The following FER1L6 variants were observed in gnomAD, a reference collection of about 807,000 sequenced individuals.
The protein encoded by FER1L6 is fer-1-like protein 6.
FER1L6 carries 177 observed loss-of-function variants against 219.2 expected under a neutral mutation model. The ratio of observed to expected loss-of-function variants is 0.81; its 90% confidence interval spans 0.71 to 0.91. The LOEUF is 0.91. Among genes scored for constraint, FER1L6 ranks in the 40% least tolerant of loss-of-function variants. The pLI, the probability that FER1L6 is intolerant of heterozygous loss-of-function variation, is 0.00. For synonymous variants in FER1L6, 768 were observed against 824.3 expected (o/e 0.93, Z 1.17); for missense variants, 2,153 against 2,259.9 (o/e 0.95, Z 0.96).
chr8:123,893,094 A>G (rs1185123373), intron 1 of FER1L6, among the ~76,000 whole-genome samples: 1 of 152,140 alleles, frequency 6.6e-6, no homozygotes, highest in African/African-American at 2.4e-5. Flanking sequence ...TTCCTTGTCA[A>G]CTGGGTCATT....
intron 3 of FER1L6, 145 bp from the exon 4 acceptor site, chr8:123,965,862 C>T (rs948191405): frequency 2.7e-5 from 20 of 728,928 alleles, no homozygotes; most frequent in African/African-American, 8.9e-5. Context: ...GTCATTTGTC[C>T]GCTTATACTT....
intron 1 of FER1L6, among the ~76,000 whole-genome samples, chr8:123,954,042 T>C (rs562398143): frequency 6.6e-6 from 1 of 152,350 alleles, no homozygotes; most frequent in East Asian, 1.9e-4. Context: ...TAGCACTTTC[T>C]ATATCCCAGA....
intron 11 of FER1L6, among the ~76,000 whole-genome samples, chr8:123,981,470 C>T (rs1005534772): frequency 1.1e-4 from 16 of 152,224 alleles, no homozygotes; most frequent in Admixed American, 6.5e-4. Flanking sequence ...TTGTCAGTAG[C>T]GGAGGTAGGT....
intron 1 of FER1L6, among the ~76,000 whole-genome samples, chr8:123,861,789 TG>T (rs1816749977): frequency 1.4e-5 from 2 of 143,508 alleles, no homozygotes; most frequent in African/African-American, 2.7e-5. Context: ...TGTCTGTTGT[TG>T]GTGTATAGGA....
At chr8:123,945,883 C>G (rs936981334) in intron 1 of FER1L6, among the ~76,000 whole-genome samples, 4 of 152,164 alleles carry the variant, frequency 2.6e-5, no homozygotes, top group African/African-American at 9.7e-5. Context: ...TATGAACTTC[C>G]TTTCATATGT....
In FER1L6 at chr8:124,097,298, T is replaced by A. The variant is rs1487020170; in HGVS notation, c.4723T>A (p.Phe1575Ile). 1 of 1,613,426 alleles carries A rather than the reference T, an allele frequency of 6.2e-7. No homozygotes were observed. Among genetic ancestry groups the A allele is most frequent in the East Asian group, 2.2e-5 (1 of 44,826 alleles). ...CCGCCTGCAGATGTGGGTGGACATG[T>A]TTCCCAAGGATATGCCTCAACCTGG... ...QGRLQMWVDMFPKDMPQPGPP... is the reference protein window; with the variant it reads ...QGRLQMWVDMIPKDMPQPGPP... Residue 1575 changes from phenylalanine to isoleucine, a missense_variant, in exon 36 of 41, where the codon TTT (phenylalanine) becomes ATT (isoleucine). Phe to Ile is a conservative substitution (Grantham distance 21, BLOSUM62 0). Transcript: ENST00000522917.
At chr8:123,855,734 T>C in intron 1 of FER1L6, among the ~76,000 whole-genome samples, 1 of 147,258 alleles carries the variant, frequency 6.8e-6, no homozygotes, top group South Asian at 2.1e-4. Flanking sequence ...CACATATACG[T>C]AATATGTGTG....
chr8:124,059,372 T>C (rs144181760), intron 22 of FER1L6, among the ~76,000 whole-genome samples: 5 of 152,322 alleles, frequency 3.3e-5, no homozygotes, highest in African/African-American at 9.6e-5. Flanking sequence ...ATAAAGGACA[T>C]GTTGCATTCA....
chr8:123,903,798 G>A (rs907534543), intron 1 of FER1L6, among the ~76,000 whole-genome samples: 6 of 152,148 alleles, frequency 3.9e-5, no homozygotes, highest in African/African-American at 9.7e-5. Context: ...GCCCTAACCC[G>A]AGTACCCTGG....
intron 1 of FER1L6, among the ~76,000 whole-genome samples, chr8:123,934,876 A>G (rs923471827): frequency 6.6e-6 from 1 of 151,818 alleles, no homozygotes; most frequent in Admixed American, 6.6e-5. Context: ...GTGGCACTTA[A>G]CCCCTTGCAC....
intron 32 of FER1L6, among the ~76,000 whole-genome samples, chr8:124,077,407 T>C (rs1370829341): frequency 6.6e-6 from 1 of 152,202 alleles, no homozygotes; most frequent in African/African-American, 2.4e-5. Context: ...CCATTTAAAT[T>C]CATTTACACA....
At chr8:123,905,947 T>G (rs1240608016) in intron 1 of FER1L6, among the ~76,000 whole-genome samples, 1 of 152,248 alleles carries the variant, frequency 6.6e-6, no homozygotes, top group African/African-American at 2.4e-5. Flanking sequence ...TGAAGGGATA[T>G]TGCATTGAAG....
At chr8:124,040,094 T>A (rs1296197410) in intron 20 of FER1L6, 88 bp downstream of exon 20, 4 of 1,540,452 alleles carry the variant, frequency 2.6e-6, no homozygotes, top group Non-Finnish European at 3.6e-6. Flanking sequence ...AACGGGGGCA[T>A]GTTGCAAATA....
intron 1 of FER1L6, among the ~76,000 whole-genome samples, chr8:123,892,178 A>G (rs1812658496): frequency 6.6e-6 from 1 of 152,224 alleles, no homozygotes; most frequent in Non-Finnish European, 1.5e-5. Context: ...ATAATACACC[A>G]TACAAAGGTA....
chr8:123,901,423 CA>C (rs1812853253), intron 1 of FER1L6, among the ~76,000 whole-genome samples: 1 of 152,058 alleles, frequency 6.6e-6, no homozygotes, highest in South Asian at 2.1e-4. Flanking sequence ...AACGGTCTGT[CA>C]ATTTTATTTA....
chr8:123,927,627 T>G (rs879346816), intron 1 of FER1L6, among the ~76,000 whole-genome samples: 1 of 152,238 alleles, frequency 6.6e-6, no homozygotes, highest in Non-Finnish European at 1.5e-5. Flanking sequence ...AGTAGAAATC[T>G]TACTTTAATG....
At chr8:124,066,687 C>A in intron 27 of FER1L6, 137 bp downstream of exon 27, 2 of 993,638 alleles carry the variant, frequency 2.0e-6, no homozygotes, top group Non-Finnish European at 2.9e-6. Flanking sequence ...CTGTTAACTG[C>A]AGAAAGGTAA....
At chr8:123,884,027 C>T (rs547181593) in intron 1 of FER1L6, among the ~76,000 whole-genome samples, 1 of 152,338 alleles carries the variant, frequency 6.6e-6, no homozygotes, top group Non-Finnish European at 1.5e-5. Context: ...GCTCCTATGA[C>T]ATACATACAC....
At chr8:123,998,657 C>A (rs1215612230) in intron 12 of FER1L6, among the ~76,000 whole-genome samples, 2 of 152,106 alleles carry the variant, frequency 1.3e-5, no homozygotes, top group Non-Finnish European at 2.9e-5. Context: ...AATGAGTTCA[C>A]CCCTGGCCCC....
Sources: allele counts gnomAD v4.1 joint callset (sites outside exome capture counted in the v4.1 genomes callset), GRCh38; gene constraint gnomAD v4.1.1; transcripts MANE v1.5; gene names NCBI Gene and HGNC (gene_info 2026-07-23, HGNC 2026-07-21).